The following USP25 variants were observed in gnomAD, a reference collection of about 807,000 sequenced individuals.
USP25 encodes the protein ubiquitin specific peptidase 25.
USP25 carries 85 observed loss-of-function variants against 158.5 expected under a neutral mutation model. The ratio of observed to expected loss-of-function variants is 0.54; its 90% CI spans 0.45 to 0.64. The LOEUF (loss-of-function observed/expected upper bound fraction) is 0.64. Ranked by LOEUF, USP25 falls within the 30% of genes least tolerant of loss-of-function variation. The pLI, the probability that USP25 is intolerant of heterozygous loss-of-function variation, is 0.00. For synonymous variants in USP25, 464 were observed against 460.4 expected (o/e 1.01, Z -0.10); for missense variants, 1,242 against 1,327.3 (o/e 0.94, Z 1.00).
chr21:15,813,939 A>T (rs143648794), intron 9 of USP25, among the ~76,000 whole-genome samples: 2 of 151,568 alleles, frequency 1.3e-5, no homozygotes, highest in African/African-American at 4.8e-5. Flanking sequence ...CCGAATCTCA[A>T]CTTGATTGTA....
At chr21:15,748,028 G>T (rs2032700544) in intron 1 of USP25, among the ~76,000 whole-genome samples, 1 of 152,070 alleles carries the variant, frequency 6.6e-6, no homozygotes, top group Non-Finnish European at 1.5e-5. Context: ...CACAAAGATA[G>T]TCTCATTTAT....
Position 15,785,431 on chromosome 21 carries a change from A to G in USP25, c.393-6071A>G, listed in dbSNP as rs193086306. Among the ~76,000 whole-genome samples, 139 of 152,344 alleles carry G rather than the reference A, an allele frequency of 9.1e-4. 1 individual carries two copies. Among genetic ancestry groups the G allele is most frequent in the African/African-American group, 3.3e-3 (136 of 41,572 alleles). ...CATTCTTTTCAACTGTGCATGGAAT[A>G]TTCTCCAGTAAAGATCGTATGTTAG... On this transcript the variant is annotated intron_variant, in intron 4 of 25. Coordinates refer to ENST00000400183, the MANE Select transcript of USP25 (RefSeq NM_001283041.3).
intron 9 of USP25, among the ~76,000 whole-genome samples, chr21:15,812,101 ATAAGTTG>A (rs1010392025): frequency 2.6e-4 from 39 of 151,264 alleles, no homozygotes; most frequent in Admixed American, 8.6e-4. Flanking sequence ...CAACTTATAT[ATAAGTTG>A]TTTTATATAT....
At chr21:15,744,412 G>C (rs1447547368) in intron 1 of USP25, 17 of 151,280 alleles carry the variant, frequency 1.1e-4, no homozygotes, top group Admixed American at 1.1e-3. Flanking sequence ...TGCAACCTCT[G>C]CCTCCTGGGT....
Position 15,730,361 on chromosome 21 carries a change from A to ACCG in USP25, c.-10_-8dup, listed in dbSNP as rs566061228. 5,483 of 1,181,046 alleles carry ACCG rather than the reference A, an allele frequency of 4.6e-3. 17 individuals carry two copies. Among genetic ancestry groups the ACCG allele is most frequent in the South Asian group, 0.033 (840 of 25,106 alleles). The allele number at this position is 1,181,046 out of a possible 1,614,324, so 73.2% of individuals were successfully genotyped here. A position where few individuals can be genotyped will look rare whatever the true frequency, so the allele number is the denominator to read the frequency against. On this transcript the variant is annotated 5_prime_UTR_variant, in exon 1 of 26. Transcript: ENST00000400183. Reference sequence around the variant, plus strand: ...GCGGAGGCGCGAGGAGCCGGGCGCCACCGCCGCCGCCGCCGCCGCCGCCGC... The same window carrying ACCG: ...GCGGAGGCGCGAGGAGCCGGGCGCCACCGCCGCCGCCGCCGCCGCCGCCGCCGC...
Position 15,864,428 on chromosome 21 carries a change from A to G in USP25, c.2708A>G (p.Asn903Ser). The G allele has an allele frequency of 6.2e-7, 1 of 1,600,570 alleles. No individual in the cohort carries two copies. Among genetic ancestry groups the G allele is most frequent in the Non-Finnish European group, 8.5e-7 (1 of 1,176,484 alleles). Reference sequence around the variant, plus strand: ...TTACTAGAACAATTTGGAGATAGAAATTTGAGTTTTGATGAAAGGTAATTT... The same window carrying G: ...TTACTAGAACAATTTGGAGATAGAAGTTTGAGTTTTGATGAAAGGTAATTT... ...KTLLEQFGDR[N>S]LSFDERCHNI... Residue 903 changes from asparagine to serine, a missense_variant, in exon 21 of 26, where the codon AAT (asparagine) becomes AGT (serine). By Grantham distance (46) the Asn-to-Ser change is conservative. Coordinates refer to ENST00000400183, the MANE Select transcript of USP25 (RefSeq NM_001283041.3).
chr21:15,770,688 T>G (rs2034300676), intron 3 of USP25, among the ~76,000 whole-genome samples: 1 of 152,188 alleles, frequency 6.6e-6, no homozygotes, highest in Non-Finnish European at 1.5e-5. Flanking sequence ...TAAAATGAAA[T>G]AATATTGAAA....
intron 9 of USP25, among the ~76,000 whole-genome samples, chr21:15,811,873 A>C (rs537776120): frequency 6.6e-6 from 1 of 152,256 alleles, no homozygotes; most frequent in African/African-American, 2.4e-5. Flanking sequence ...CACATCACCC[A>C]ATGCATCAAC....
intron 1 of USP25, among the ~76,000 whole-genome samples, chr21:15,759,580 G>GTTA (rs1013166455): frequency 2.0e-5 from 3 of 152,152 alleles, no homozygotes; most frequent in African/African-American, 7.2e-5. Flanking sequence ...AATTGGTTGA[G>GTTA]TTATTATCAA....
At chr21:15,797,106 C>G (rs1273670625) in intron 5 of USP25, among the ~76,000 whole-genome samples, 2 of 151,284 alleles carry the variant, frequency 1.3e-5, no homozygotes, top group African/African-American at 4.8e-5. Flanking sequence ...CAGACTAAAG[C>G]TATGACATAA....
At chr21:15,784,563 ACT>A (rs762022620) in intron 4 of USP25, among the ~76,000 whole-genome samples, 4 of 151,970 alleles carry the variant, frequency 2.6e-5, no homozygotes, top group Admixed American at 6.6e-5. Context: ...CAAGAGCGAA[ACT>A]CTGTTTCAAA....
rs906305014 is a variant in USP25, at chr21:15,816,561, T to C, written c.932-2137T>C. On this transcript the variant is annotated intron_variant, in intron 9 of 25. Coordinates refer to ENST00000400183, the MANE Select transcript of USP25 (RefSeq NM_001283041.3). This position sits in a 1 kb window ranked among gnomAD's most constrained non-coding sequence, Gnocchi z 4.0. The stretch of plus-strand genomic sequence containing the variant: ...GAAAAGTTGTATTTATAGTCTCTTT[T>C]TGCATATAAAGGTAGCAGAACCTTA... 2.6e-5 allele frequency among the ~76,000 whole-genome samples: 4 copies of C among 152,190 alleles called. No individual in the cohort carries two copies. The highest frequency in any genetic ancestry group is 9.7e-5 in the African/African-American group (4 of 41,434).
chr21:15,857,610 A>T (rs886217548), intron 20 of USP25, among the ~76,000 whole-genome samples: 1 of 152,116 alleles, frequency 6.6e-6, no homozygotes, highest in East Asian at 1.9e-4. Context: ...TAGTTAAGTG[A>T]ACATTGATCT....
intron 3 of USP25, among the ~76,000 whole-genome samples, chr21:15,770,760 A>G (rs552406851): frequency 3.3e-5 from 5 of 152,182 alleles, no homozygotes; most frequent in Non-Finnish European, 7.4e-5. Flanking sequence ...AGTGCACATA[A>G]TGCTACATTT....
chr21:15,746,059 A>C (rs2032532879), intron 1 of USP25, among the ~76,000 whole-genome samples: 1 of 152,182 alleles, frequency 6.6e-6, no homozygotes, highest in South Asian at 2.1e-4. Context: ...TTCTATCCTT[A>C]TGTGGTGCCG....
rs2034029881 is a variant in USP25, at chr21:15,766,199, G to A, written c.268+58G>A. 4 of 1,496,734 alleles carry A rather than the reference G, an allele frequency of 2.7e-6. No individual in the cohort carries two copies. Among genetic ancestry groups the A allele is most frequent in the Admixed American group, 2.2e-5 (1 of 46,186 alleles). 92.7% of individuals were successfully genotyped at this position (1,496,734 alleles called of 1,614,324 possible). On this transcript the variant is annotated intron_variant, in intron 3 of 25. Transcript: ENST00000400183. The surrounding 1 kb of genome is among the most constrained non-coding windows in gnomAD (Gnocchi z 4.0). ...AGAAACATACTGAAAAACTTTTCTT[G>A]GTGTAATATATTAATGTTGCTTAAG...
rs1210776323 is a variant in USP25, at chr21:15,878,494, A to G, written c.*19A>G. The G allele has an allele frequency of 6.2e-7, 1 of 1,613,040 alleles. No homozygotes were observed. Among genetic ancestry groups the G allele is most frequent in the Non-Finnish European group, 8.5e-7 (1 of 1,179,350 alleles). Reference sequence around the variant, plus strand: ...AAGATAAACTGCACACTTTCCCTGAACACACTGTATAAACTCTTTTTAGTT... The same window carrying G: ...AAGATAAACTGCACACTTTCCCTGAGCACACTGTATAAACTCTTTTTAGTT... On this transcript the variant is annotated 3_prime_UTR_variant, in exon 26 of 26. Coordinates refer to ENST00000400183, the MANE Select transcript of USP25 (RefSeq NM_001283041.3).
intron 22 of USP25, among the ~76,000 whole-genome samples, chr21:15,869,281 A>G (rs2039785651): frequency 6.6e-6 from 1 of 151,058 alleles, no homozygotes; most frequent in African/African-American, 2.4e-5. Flanking sequence ...ATTCAAGGAG[A>G]ATATCGTTGG....
At chr21:15,798,492 T>C (rs1402265596) in intron 5 of USP25, among the ~76,000 whole-genome samples, 1 of 151,226 alleles carries the variant, frequency 6.6e-6, no homozygotes, top group Non-Finnish European at 1.5e-5. Context: ...GTTCTGATCT[T>C]GGCCAACTGT....
Sources: gnomAD v4.1 joint callset for allele counts (sites outside exome capture counted in the v4.1 genomes callset) on GRCh38, gnomAD v4.1.1 for gene constraint, Gnocchi (gnomAD v3.1) non-coding constraint, MANE v1.5 for transcripts, NCBI Gene and HGNC (gene_info 2026-07-23, HGNC 2026-07-21) for gene names.